TMEM117: variants seen among roughly 807,000 people sequenced by gnomAD.
TMEM117 encodes the protein transmembrane protein 117.
In TMEM117, 27 loss-of-function variants were observed where a neutral mutation model predicts 52.4. The ratio of observed to expected loss-of-function variants is 0.51; its 90% CI spans 0.38 to 0.71. The LOEUF is 0.71. TMEM117 is among the 30% of genes least tolerant of loss of function. TMEM117 has a pLI of 0.00. For missense variants in TMEM117, 556 were observed against 630.5 expected (o/e 0.88, Z 1.26); for synonymous variants, 215 against 206.3 (o/e 1.04, Z -0.36).
At chr12:43,873,283 C>T in intron 2 of TMEM117, among the ~76,000 whole-genome samples, 1 of 65,050 alleles carries the variant, frequency 1.5e-5, no homozygotes, top group South Asian at 8.5e-4. Context: ...TATAATTAGG[C>T]AAACTTAAGT....
chr12:44,059,522 T>C (rs979160216), intron 3 of TMEM117, among the ~76,000 whole-genome samples: 2 of 152,194 alleles, frequency 1.3e-5, no homozygotes, highest in Non-Finnish European at 2.9e-5. Flanking sequence ...GGTCTTTACT[T>C]TAAAAATAAG....
chr12:44,244,885 G>A (rs561335151), intron 5 of TMEM117, among the ~76,000 whole-genome samples: 1 of 152,054 alleles, frequency 6.6e-6, no homozygotes, highest in African/African-American at 2.4e-5. Flanking sequence ...GGTGAGATAA[G>A]GGTCCAATTT....
At chr12:44,135,566 G>A (rs1167291557) in intron 3 of TMEM117, among the ~76,000 whole-genome samples, 1 of 152,086 alleles carries the variant, frequency 6.6e-6, no homozygotes, top group Non-Finnish European at 1.5e-5. Context: ...TTGGGAAATA[G>A]TGTTGAGTAG....
At chr12:43,859,335 A>G (rs1943449704) in intron 2 of TMEM117, among the ~76,000 whole-genome samples, 1 of 152,172 alleles carries the variant, frequency 6.6e-6, no homozygotes, top group Admixed American at 6.5e-5. Flanking sequence ...TTTCTGGATC[A>G]GTAGTTTTGG....
intron 5 of TMEM117, among the ~76,000 whole-genome samples, chr12:44,217,959 C>A (rs151082986): frequency 6.6e-6 from 1 of 152,138 alleles, no homozygotes; most frequent in Non-Finnish European, 1.5e-5. Context: ...TGCGGTGGCT[C>A]ATGCCTGTAA....
At chr12:43,908,643 G>A (rs367932000) in intron 2 of TMEM117, among the ~76,000 whole-genome samples, 1 of 151,874 alleles carries the variant, frequency 6.6e-6, no homozygotes, top group South Asian at 2.1e-4. Context: ...AATAAAAGGA[G>A]GGAGGAAGAT....
chr12:43,916,845 A>G (rs1366219168), intron 2 of TMEM117, among the ~76,000 whole-genome samples: 1 of 152,126 alleles, frequency 6.6e-6, no homozygotes, highest in African/African-American at 2.4e-5. Flanking sequence ...CGTGAAGTAG[A>G]TCTAGGCTTC....
intron 6 of TMEM117, among the ~76,000 whole-genome samples, chr12:44,376,228 C>T (rs1185711515): frequency 2.0e-5 from 3 of 152,072 alleles, no homozygotes; most frequent in Non-Finnish European, 4.4e-5. Flanking sequence ...AGTCATGAAA[C>T]AAAATATAAC....
chr12:44,168,933 C>T (rs1471990789), intron 4 of TMEM117, among the ~76,000 whole-genome samples: 3 of 152,166 alleles, frequency 2.0e-5, no homozygotes, highest in African/African-American at 7.2e-5. Flanking sequence ...ACACTAGGCA[C>T]CTTATGTAGT....
intron 5 of TMEM117, among the ~76,000 whole-genome samples, chr12:44,271,018 C>G (rs1950439417): frequency 6.6e-6 from 1 of 151,862 alleles, no homozygotes; most frequent in Non-Finnish European, 1.5e-5. Context: ...GGTATGAAAC[C>G]CACTTGACCA....
chr12:44,018,821 G>C (rs748725361), intron 3 of TMEM117, among the ~76,000 whole-genome samples: 5 of 151,562 alleles, frequency 3.3e-5, no homozygotes, highest in Non-Finnish European at 7.4e-5. Context: ...CCAGGTTAAA[G>C]CAATTCTCCT....
At chr12:44,024,916 A>G (rs963379503) in intron 3 of TMEM117, among the ~76,000 whole-genome samples, 1 of 141,108 alleles carries the variant, frequency 7.1e-6, no homozygotes, top group Non-Finnish European at 1.5e-5. Context: ...ATACATACAG[A>G]GAGAGAGAGA....
At chr12:44,122,295 C>T (rs768107295) in intron 3 of TMEM117, among the ~76,000 whole-genome samples, 23 of 152,126 alleles carry the variant, frequency 1.5e-4, no homozygotes, top group African/African-American at 3.6e-4. Context: ...CTGCCTGCCT[C>T]GGCCTCCCAA....
intron 5 of TMEM117, among the ~76,000 whole-genome samples, chr12:44,229,603 T>G (rs1295673752): frequency 6.6e-6 from 1 of 152,130 alleles, no homozygotes; most frequent in Non-Finnish European, 1.5e-5. Context: ...ACTTCTCACC[T>G]TTCTAGAAAC....
chr12:43,810,332 T>C, the TMEM117 span, among the ~76,000 whole-genome samples: 1 of 152,238 alleles, frequency 6.6e-6, no homozygotes, highest in Admixed American at 6.5e-5. Context: ...TCTCTTTCTC[T>C]GTTTCTCTGT....
chr12:43,846,043 A>G (rs1383052920), intron 2 of TMEM117, among the ~76,000 whole-genome samples: 2 of 152,146 alleles, frequency 1.3e-5, no homozygotes, highest in African/African-American at 2.4e-5. Flanking sequence ...TTCATTAAAT[A>G]TATTTTACAC....
chr12:44,098,640 C>T (rs1947813336), intron 3 of TMEM117, among the ~76,000 whole-genome samples: 1 of 152,048 alleles, frequency 6.6e-6, no homozygotes, highest in South Asian at 2.1e-4. Context: ...TCTTAGACTT[C>T]TGCCAAAGTC....
intron 2 of TMEM117, among the ~76,000 whole-genome samples, chr12:43,916,299 A>G (rs746350794): frequency 6.6e-6 from 1 of 152,194 alleles, no homozygotes; most frequent in Admixed American, 6.5e-5. Flanking sequence ...TAAAACAAGA[A>G]CGTTGTGTAG....
intron 5 of TMEM117, among the ~76,000 whole-genome samples, chr12:44,296,160 A>G (rs1565684302): frequency 1.3e-5 from 2 of 152,200 alleles, no homozygotes; most frequent in Non-Finnish European, 2.9e-5. Context: ...ACACTAGGGC[A>G]AGGGTGTGCT....
Sources: gnomAD v4.1 joint callset for allele counts (sites outside exome capture counted in the v4.1 genomes callset) on GRCh38, gnomAD v4.1.1 for gene constraint, MANE v1.5 for transcripts, NCBI Gene and HGNC (gene_info 2026-07-23, HGNC 2026-07-21) for gene names.